TCF12: variants seen among roughly 807,000 people sequenced by gnomAD.
TCF12 encodes the protein DNA-binding protein HTF4.
A neutral mutation model predicts 86.0 loss-of-function variants in TCF12; 45 were observed. That is an observed-to-expected ratio of 0.52 (90% CI 0.41 to 0.67). The LOEUF is 0.67. Among genes scored for constraint, TCF12 ranks in the 30% least tolerant of loss-of-function variants. TCF12 has a pLI of 0.00. For missense variants in TCF12, 881 were observed against 859.9 expected, an observed-to-expected ratio of 1.02 and a Z score of -0.31; for synonymous variants, 330 against 299.6, an observed-to-expected ratio of 1.10 and a Z score of -1.05.
intron 16 of TCF12, among the ~76,000 whole-genome samples, chr15:57,260,822 C>G (rs1446070405): frequency 2.6e-5 from 4 of 152,164 alleles, no homozygotes; most frequent in Non-Finnish European, 5.9e-5. Context: ...TAAGAATAAA[C>G]AAGACCAGGA....
chr15:57,153,245 G>A (rs1426938528), intron 5 of TCF12, among the ~76,000 whole-genome samples: 8 of 152,260 alleles, frequency 5.3e-5, no homozygotes, highest in South Asian at 2.1e-4. Context: ...CCAAGACTCC[G>A]CAAACTTTTT....
At chr15:56,972,920 A>G (rs1204534339) in intron 3 of TCF12, among the ~76,000 whole-genome samples, 1 of 152,188 alleles carries the variant, frequency 6.6e-6, no homozygotes, top group Non-Finnish European at 1.5e-5. Flanking sequence ...GACAAAAGTA[A>G]CTTTAAAAAA....
In TCF12 at chr15:57,037,852, TTATTTC is replaced by T. The variant is rs546014666; in HGVS notation, c.149-25893_149-25888del. 6.6e-5 allele frequency among the ~76,000 whole-genome samples: 10 copies of T among 152,352 alleles called. No individual in the cohort carries two copies. In the South Asian group the frequency reaches 1.2e-3, roughly 19 times the overall value. The stretch of plus-strand genomic sequence containing the variant: ...CAGTGTTCCTTTTTCAGGAAGGACT[TTATTTC>T]TATTGCTAGTGCTAAAACACATACG... On this transcript the variant is annotated intron_variant, in intron 3 of 20. Coordinates refer to ENST00000333725, the MANE Select transcript of TCF12 (RefSeq NM_207037.2).
At chr15:57,177,265 A>ATTT (rs3985739) in intron 6 of TCF12, among the ~76,000 whole-genome samples, 1 of 112,674 alleles carries the variant, frequency 8.9e-6, no homozygotes, top group Non-Finnish European at 1.9e-5. Context: ...GCAATAGACA[A>ATTT]TTTTTTTTTT....
At chr15:56,989,959 T>G (rs1340862633) in intron 3 of TCF12, among the ~76,000 whole-genome samples, 3 of 152,150 alleles carry the variant, frequency 2.0e-5, no homozygotes, top group Middle Eastern at 3.2e-3. Context: ...CAATAGAGTT[T>G]ATTAGATTAT....
intron 3 of TCF12, among the ~76,000 whole-genome samples, chr15:57,043,723 T>A (rs903501007): frequency 2.1e-4 from 32 of 152,222 alleles, no homozygotes; most frequent in African/African-American, 7.7e-4. Flanking sequence ...GTGTTTGAAT[T>A]CTATGAAGTG....
chr15:57,121,023 C>T (rs1182693555), intron 5 of TCF12, among the ~76,000 whole-genome samples: 3 of 152,190 alleles, frequency 2.0e-5, no homozygotes, highest in African/African-American at 7.2e-5. Flanking sequence ...TGTCTCTCCT[C>T]TGCAAATGAG....
intron 3 of TCF12, among the ~76,000 whole-genome samples, chr15:57,042,329 G>A (rs1339481443): frequency 2.0e-5 from 3 of 152,112 alleles, no homozygotes; most frequent in Non-Finnish European, 2.9e-5. Context: ...ATAAAGGATC[G>A]AAAACAGAGT....
chr15:57,023,085 A>G (rs1351899559), intron 3 of TCF12, among the ~76,000 whole-genome samples: 1 of 152,138 alleles, frequency 6.6e-6, no homozygotes, highest in Non-Finnish European at 1.5e-5. Flanking sequence ...GGAATTTTAA[A>G]TTTTTGTTTT....
chr15:56,941,372 A>T (rs1223199768), intron 3 of TCF12, among the ~76,000 whole-genome samples: 1 of 133,520 alleles, frequency 7.5e-6, no homozygotes, highest in African/African-American at 2.5e-5. Flanking sequence ...GTCTCAAAAA[A>T]ATTTTTTTTT....
chr15:57,011,522 T>G, intron 3 of TCF12, among the ~76,000 whole-genome samples: 1 of 152,168 alleles, frequency 6.6e-6, no homozygotes, highest in Non-Finnish European at 1.5e-5. Context: ...CTCAGGTATT[T>G]CTTTATAGCA....
rs917452333 is a variant in TCF12 at position 57,262,309 on chromosome 15, C to A, written c.1582+101C>A. On this transcript the variant is annotated intron_variant, in intron 17 of 20. Transcript: ENST00000333725. ...GGATTGACATCTGTGAATCAAAAGT[C>A]ATTGAGGTGAGGGAATTCCAAATAG... 5 of 898,342 alleles carry A rather than the reference C, an allele frequency of 5.6e-6. No homozygotes were observed. The African/African-American group carries it at 6.8e-5, about 12-fold the overall frequency. The allele number at this position is 898,342 out of a possible 1,614,324, so 55.6% of individuals were successfully genotyped here. A position where few individuals can be genotyped will look rare whatever the true frequency, so the allele number is the denominator to read the frequency against.
chr15:57,207,389 G>A (rs1025053623), intron 8 of TCF12, among the ~76,000 whole-genome samples: 20 of 151,978 alleles, frequency 1.3e-4, no homozygotes, highest in African/African-American at 3.9e-4. Flanking sequence ...TAAATAGGCC[G>A]GGCGCGGTGG....
At chr15:57,072,459 C>T (rs1320035199) in intron 4 of TCF12, among the ~76,000 whole-genome samples, 1 of 152,094 alleles carries the variant, frequency 6.6e-6, no homozygotes, top group Admixed American at 6.5e-5. Context: ...CATTTGTCAG[C>T]ATTGATGGGT....
At chr15:57,219,650 T>G in intron 8 of TCF12, 3 of 1,499,524 alleles carry the variant, frequency 2.0e-6, no homozygotes, top group African/African-American at 1.4e-5. Context: ...CAGTATACAT[T>G]ACTCGCTTTT....
chr15:57,192,374 C>CT (rs369602117), intron 7 of TCF12, 81 bp downstream of exon 7: 215,522 of 1,166,050 alleles, frequency 0.18, 402 homozygotes, highest in Admixed American at 0.24. Flanking sequence ...TCTGGCTATG[C>CT]TTTTTTTTTT....
chr15:57,073,771 C>T (rs1238117515), intron 4 of TCF12, among the ~76,000 whole-genome samples: 3 of 152,086 alleles, frequency 2.0e-5, no homozygotes, highest in Admixed American at 6.6e-5. Context: ...TTTTTTGAGA[C>T]GGAGTCTCGC....
intron 5 of TCF12, among the ~76,000 whole-genome samples, chr15:57,107,695 G>A (rs147249649): frequency 6.6e-6 from 1 of 151,754 alleles, no homozygotes; most frequent in East Asian, 1.9e-4. Flanking sequence ...GACCAGCCTG[G>A]GTAACCTAAG....
chr15:57,217,164 A>G (rs1597381845), intron 8 of TCF12, among the ~76,000 whole-genome samples: 1 of 152,192 alleles, frequency 6.6e-6, no homozygotes, highest in South Asian at 2.1e-4. Flanking sequence ...GCTTTTAATT[A>G]GTTACTCAAC....
Sources: allele counts gnomAD v4.1 joint callset (sites outside exome capture counted in the v4.1 genomes callset), GRCh38; gene constraint gnomAD v4.1.1; transcripts MANE v1.5; gene names NCBI Gene and HGNC (gene_info 2026-07-23, HGNC 2026-07-21).